Variants in MOSPD2 observed in about 807,000 individuals in gnomAD.
MOSPD2 encodes the protein motile sperm domain containing 2.
MOSPD2 carries 5 observed loss-of-function variants against 41.7 expected under a neutral mutation model. The ratio of observed to expected loss-of-function variants is 0.12; its 90% confidence interval spans 0.06 to 0.25. MOSPD2 has a LOEUF of 0.25. MOSPD2 is among the 10% of genes least tolerant of loss of function. MOSPD2 has a pLI of 1.00. For synonymous variants in MOSPD2, 115 were observed against 126.9 expected (o/e 0.91, Z 0.63); for missense variants, 282 against 375.2 (o/e 0.75, Z 2.05).
At chrX:14,891,395 A>G (rs1419110524) in intron 2 of MOSPD2, among the ~76,000 whole-genome samples, 3 of 111,130 alleles carry the variant, frequency 2.7e-5, no homozygotes, top group South Asian at 3.8e-4. Context: ...TTGTTATTAG[A>G]AATAATTATT....
At chrX:14,902,088 C>G (rs2092574229) in intron 6 of MOSPD2, among the ~76,000 whole-genome samples, 1 of 110,798 alleles carries the variant, frequency 9.0e-6, no homozygotes, top group African/African-American at 3.3e-5. Context: ...TGAAGAATAA[C>G]TATTATATCT....
rs193125486 is a variant in MOSPD2 at position 14,919,510 on chromosome X, C to A, written c.1420-162C>A. The stretch of plus-strand genomic sequence containing the variant: ...AGCATAGACATATCTGTCCACCAAA[C>A]AAATCTAATGCCCTGTTGCACTTCC... On this transcript the variant is annotated intron_variant, in intron 14 of 14. Coordinates refer to ENST00000380492, the MANE Select transcript of MOSPD2 (RefSeq NM_152581.4). 1.6e-4 allele frequency among the ~76,000 whole-genome samples: 18 copies of A among 112,096 alleles called. 1 individual carries two copies. The East Asian group carries it at 5.1e-3, about 32-fold the overall frequency.
intron 2 of MOSPD2, among the ~76,000 whole-genome samples, chrX:14,883,407 G>A (rs2092535537): frequency 9.0e-6 from 1 of 111,707 alleles, no homozygotes; most frequent in Non-Finnish European, 1.9e-5. Flanking sequence ...ATCTCTAGGA[G>A]ATTGAGTAGT....
At chrX:14,911,441 A>C in intron 9 of MOSPD2, 28 bp downstream of exon 9, 1 of 1,086,059 alleles carries the variant, frequency 9.2e-7, no homozygotes, top group Non-Finnish European at 1.2e-6. Flanking sequence ...ATGAAACTGA[A>C]TCACAAGATG....
In MOSPD2 at chrX:14,919,834, C is replaced by T. The variant is rs756799544; in HGVS notation, c.*25C>T. 8.4e-6 allele frequency: 10 copies of T among 1,183,980 alleles called. No individual in the cohort carries two copies. The highest frequency in any genetic ancestry group is 7.6e-5 in the South Asian group (4 of 52,364). On this transcript the variant is annotated 3_prime_UTR_variant, in exon 15 of 15. Coordinates refer to ENST00000380492, the MANE Select transcript of MOSPD2 (RefSeq NM_152581.4). ...AAGAAGTGGTGCCGGGTAGGAACCA[C>T]GGTTCCTTCGTCCATTAGTTGGAAA...
At chrX:14,880,203 G>C (rs950336982) in intron 2 of MOSPD2, among the ~76,000 whole-genome samples, 1 of 110,688 alleles carries the variant, frequency 9.0e-6, no homozygotes, top group Admixed American at 9.6e-5. Context: ...TTTCCTTATA[G>C]TGGTTAACAC....
chrX:14,918,259 T>C (rs748714334), intron 13 of MOSPD2, among the ~76,000 whole-genome samples: 15 of 111,692 alleles, frequency 1.3e-4, no homozygotes, highest in Non-Finnish European at 2.3e-4. Context: ...TACCAATTAC[T>C]GATGGCTTGC....
In MOSPD2 at chrX:14,897,093, G is replaced by C; in HGVS notation, c.332G>C (p.Arg111Thr). 8.3e-7 allele frequency: 1 copy of C among 1,199,071 alleles called. No homozygotes were observed. Among genetic ancestry groups the C allele is most frequent in the Non-Finnish European group, 1.1e-6 (1 of 889,239 alleles). The change falls in exon 5 of 15, where the codon AGG becomes ACG. Residue 111 changes from arginine to threonine, a missense_variant. This residue lies in a region of MOSPD2 where 187 missense variants were observed against 256.6 expected (regional missense o/e 0.73). Transcript: ENST00000380492. ...DKEGNKLFWI[R>T]VKYHVKDQKT... ...TATCTTCTGCTTAAAGTCTGGATCA[G>C]GGTGAAGTATCATGTAAAAGACCAG...
intron 7 of MOSPD2, among the ~76,000 whole-genome samples, chrX:14,906,415 A>G (rs1358955684): frequency 8.9e-6 from 1 of 111,758 alleles, no homozygotes; most frequent in African/African-American, 3.3e-5. Flanking sequence ...GTTGGACCCC[A>G]CCTTACATCA....
intron 13 of MOSPD2, 94 bp from the exon 14 acceptor site, chrX:14,918,571 TTTTACCTCTGTTACA>T (rs1009608067): frequency 1.9e-6 from 1 of 513,944 alleles, no homozygotes; most frequent in Non-Finnish European, 3.2e-6. Flanking sequence ...GAATGAGGAC[TTTTACCTCTGTTACA>T]TAGACTTCTG....
intron 2 of MOSPD2, among the ~76,000 whole-genome samples, chrX:14,875,097 A>T (rs772658172): frequency 8.9e-6 from 1 of 112,103 alleles, no homozygotes; most frequent in South Asian, 3.7e-4. Flanking sequence ...CAAGATCTTA[A>T]AGGTCATCTT....
At chrX:14,885,750 A>C (rs1056744234) in intron 2 of MOSPD2, among the ~76,000 whole-genome samples, 1 of 111,132 alleles carries the variant, frequency 9.0e-6, no homozygotes, top group African/African-American at 3.3e-5. Context: ...TATCTATGAC[A>C]TTCTAGTCCT....
At chrX:14,888,923 G>A (rs759151925) in intron 2 of MOSPD2, among the ~76,000 whole-genome samples, 42 of 111,480 alleles carry the variant, frequency 3.8e-4, no homozygotes, top group South Asian at 1.5e-3. Context: ...GTCTTAGTCC[G>A]TTTGTCTTGC....
chrX:14,893,702 C>G (rs2092557963), intron 3 of MOSPD2, among the ~76,000 whole-genome samples: 1 of 112,629 alleles, frequency 8.9e-6, no homozygotes, highest in Non-Finnish European at 1.9e-5. Flanking sequence ...ACTCTCCTCA[C>G]TCTTCATGCT....
rs375563130 is a variant in MOSPD2, at chrX:14,892,744, C to G, written c.101C>G (p.Ala34Gly). 13 of 1,198,715 alleles carry G rather than the reference C, an allele frequency of 1.1e-5. No homozygotes were observed. In the Admixed American group the frequency reaches 2.9e-4, roughly 26 times the overall value. ...CTAGATAAGTCAGATAAATATGATG[C>G]ACGTGATGTTGAAAGGCTACAACAA... The part of the protein sequence containing the change: ...YVTDKSDKYD[A>G]RDVERLQQDD... Residue 34 changes from alanine (A) to glycine (G), a missense_variant, in exon 3 of 15, where the codon GCA (alanine) becomes GGA (glycine). Ala to Gly is a moderately conservative substitution (Grantham distance 60, BLOSUM62 0). Coordinates refer to ENST00000380492, the MANE Select transcript of MOSPD2 (RefSeq NM_152581.4).
chrX:14,884,951 C>A (rs73201608), intron 2 of MOSPD2, among the ~76,000 whole-genome samples: 4,891 of 111,127 alleles, frequency 0.044, 114 homozygotes, highest in Middle Eastern at 0.067. Context: ...CACCCAGAAT[C>A]ATAAGGGGAA....
At chrX:14,888,585 T>C (rs1256538259) in intron 2 of MOSPD2, among the ~76,000 whole-genome samples, 2 of 111,375 alleles carry the variant, frequency 1.8e-5, no homozygotes, top group South Asian at 3.8e-4. Flanking sequence ...TCTTTTTCTT[T>C]CCAGTCTCAG....
In MOSPD2 at chrX:14,892,865, A is replaced by C; in HGVS notation, c.222A>C (p.Glu74Asp). 3 of 1,201,386 alleles carry C rather than the reference A, an allele frequency of 2.5e-6. No homozygotes were observed. Among genetic ancestry groups the C allele is most frequent in the Non-Finnish European group, 3.4e-6 (3 of 886,851 alleles). Residue 74 changes from glutamate (E) to aspartate (D), a missense_variant, in exon 3 of 15, where the codon GAA becomes GAC. Physicochemically the swap from Glu to Asp is conservative, Grantham distance 45. This residue lies in a region of MOSPD2 where 187 missense variants were observed against 256.6 expected (regional missense o/e 0.73). Transcript: ENST00000380492. ...MLDESFQWRKEISVNDLNESS... is the reference protein window; with the variant it reads ...MLDESFQWRKDISVNDLNESS... The stretch of plus-strand genomic sequence containing the variant: ...ATGAGAGTTTTCAGTGGAGGAAAGA[A>C]ATTTCTGTCAATGGTAAGCTGTTCA...
chrX:14,898,404 A>G (rs762626784), intron 5 of MOSPD2, among the ~76,000 whole-genome samples: 3 of 57,567 alleles, frequency 5.2e-5, no homozygotes, highest in Admixed American at 1.6e-4. Context: ...AACTGTAGAC[A>G]TAACACAAAA....
Sources: gnomAD v4.1 joint callset for allele counts (sites outside exome capture counted in the v4.1 genomes callset) on GRCh38, gnomAD v4.1.1 for gene constraint, gnomAD v4.1.1 regional missense constraint, MANE v1.5 for transcripts, NCBI Gene and HGNC (gene_info 2026-07-23, HGNC 2026-07-21) for gene names.